ATRNL1: variants seen among roughly 807,000 people sequenced by gnomAD.
The protein encoded by ATRNL1 is attractin-like protein 1.
In ATRNL1, 95 loss-of-function variants were observed where a neutral mutation model predicts 182.7. The observed-to-expected ratio is 0.52, with a 90% CI of 0.44 to 0.62. The LOEUF is 0.62. Among genes scored for constraint, ATRNL1 ranks in the 20% least tolerant of loss-of-function variants. The probability of loss-of-function intolerance (pLI) is 0.00; values close to 1 mark genes in which losing one functional copy is unlikely to be tolerated. For synonymous variants in ATRNL1, 576 were observed against 568.3 expected (o/e 1.01, Z -0.19); for missense variants, 1,471 against 1,679.5 (o/e 0.88, Z 2.17).
chr10:115,831,046 G>T (rs1950547922), intron 27 of ATRNL1, among the ~76,000 whole-genome samples: 1 of 151,978 alleles, frequency 6.6e-6, no homozygotes, highest in African/African-American at 2.4e-5. Context: ...ATTCTTCATA[G>T]ATTTTTCCAC....
chr10:115,281,312 G>T (rs1554916689), intron 13 of ATRNL1, 43 bp from the exon 14 acceptor site: 1 of 1,558,296 alleles, frequency 6.4e-7, no homozygotes, highest in Non-Finnish European at 8.7e-7. Flanking sequence ...AAGAATCATT[G>T]CTGTACAAAG....
chr10:115,133,655 A>G (rs1592145916), intron 5 of ATRNL1, among the ~76,000 whole-genome samples: 1 of 152,172 alleles, frequency 6.6e-6, no homozygotes, highest in Non-Finnish European at 1.5e-5. Context: ...GAAGGTTAAC[A>G]GCGATATCCA....
At chr10:115,619,027 G>A (rs540407398) in intron 26 of ATRNL1, among the ~76,000 whole-genome samples, 63 of 152,256 alleles carry the variant, frequency 4.1e-4, no homozygotes, top group Non-Finnish European at 4.7e-4. Flanking sequence ...GGATACTTTG[G>A]CTTTGGTTCT....
rs60752420 is a variant in ATRNL1 at position 115,258,155 on chromosome 10, G to C, written c.1688-7038G>C. Among the ~76,000 whole-genome samples the C allele has an allele frequency of 3.1e-3, 478 of 152,242 alleles. 2 individuals carry two copies. The highest frequency in any genetic ancestry group is 0.011 in the African/African-American group (444 of 41,520). On this transcript the variant is annotated intron_variant, in intron 10 of 28. Transcript: ENST00000355044. ...ATTTCCTGAATCTGAATGTTGGCCTGCCTTGCTAGGTTGGAAAAGTTCTCC... is the reference window on the plus strand; with the variant it reads ...ATTTCCTGAATCTGAATGTTGGCCTCCCTTGCTAGGTTGGAAAAGTTCTCC...
intron 8 of ATRNL1, among the ~76,000 whole-genome samples, chr10:115,214,041 T>TACACACAC (rs149167399): frequency 0.042 from 6,199 of 147,126 alleles, 243 homozygotes; most frequent in African/African-American, 0.1. Context: ...TACAAATATG[T>TACACACAC]ACACACACAC....
chr10:115,569,511 A>G (rs571012464), intron 26 of ATRNL1, among the ~76,000 whole-genome samples: 5 of 152,274 alleles, frequency 3.3e-5, no homozygotes, highest in Non-Finnish European at 1.5e-5. Context: ...GATTTTTGCT[A>G]CCTGCTAAGT....
At chr10:115,352,886 A>G (rs1416967380) in intron 19 of ATRNL1, among the ~76,000 whole-genome samples, 2 of 152,148 alleles carry the variant, frequency 1.3e-5, no homozygotes, top group African/African-American at 4.8e-5. Flanking sequence ...CTGGGCAACA[A>G]GAGCAAAACT....
intron 28 of ATRNL1, among the ~76,000 whole-genome samples, chr10:115,937,810 A>T (rs1280251713): frequency 3.3e-5 from 5 of 152,238 alleles, no homozygotes; most frequent in Non-Finnish European, 7.3e-5. Flanking sequence ...CTACAAATAC[A>T]GCAGTAAAAG....
chr10:115,911,534 G>A (rs1555115912), intron 28 of ATRNL1, among the ~76,000 whole-genome samples: 2 of 152,020 alleles, frequency 1.3e-5, no homozygotes, highest in Non-Finnish European at 2.9e-5. Flanking sequence ...GGACAGGCTG[G>A]TCCCGAACTC....
At chr10:115,878,462 T>G (rs1389236087) in intron 28 of ATRNL1, among the ~76,000 whole-genome samples, 3 of 152,252 alleles carry the variant, frequency 2.0e-5, no homozygotes, top group Non-Finnish European at 4.4e-5. Context: ...CACACGTTAT[T>G]GAACCTGATG....
chr10:115,526,493 C>T (rs530680277), intron 25 of ATRNL1, among the ~76,000 whole-genome samples: 1 of 152,298 alleles, frequency 6.6e-6, no homozygotes, highest in South Asian at 2.1e-4. Flanking sequence ...ATCTTCCAAG[C>T]ACCTGAATTG....
At chr10:115,107,430 C>T (rs542885624) in intron 1 of ATRNL1, among the ~76,000 whole-genome samples, 6 of 152,326 alleles carry the variant, frequency 3.9e-5, no homozygotes, top group South Asian at 4.1e-4. Context: ...CTTTATGTTT[C>T]GCCTTCTGAG....
chr10:115,515,950 T>C (rs1438420085), intron 24 of ATRNL1, among the ~76,000 whole-genome samples: 2 of 151,892 alleles, frequency 1.3e-5, no homozygotes, highest in African/African-American at 2.4e-5. Context: ...CTTCTTTTTT[T>C]TAAGCTCTAA....
chr10:115,288,417 G>C (rs1852731356), intron 15 of ATRNL1, among the ~76,000 whole-genome samples: 1 of 151,972 alleles, frequency 6.6e-6, no homozygotes, highest in Non-Finnish European at 1.5e-5. Context: ...TAGACATCTG[G>C]AGGTGAGATG....
At chr10:115,881,709 T>C (rs1222498166) in intron 28 of ATRNL1, among the ~76,000 whole-genome samples, 3 of 152,236 alleles carry the variant, frequency 2.0e-5, no homozygotes, top group Non-Finnish European at 2.9e-5. Flanking sequence ...TCTTCCATTA[T>C]GTTCATTTCG....
chr10:115,704,012 A>G (rs888141616), intron 26 of ATRNL1, among the ~76,000 whole-genome samples: 60 of 152,088 alleles, frequency 3.9e-4, no homozygotes, highest in African/African-American at 1.3e-3. Flanking sequence ...CCCAATTTGC[A>G]CATGCACAAA....
At chr10:115,511,208 A>G (rs1554982598) in intron 24 of ATRNL1, among the ~76,000 whole-genome samples, 1 of 151,924 alleles carries the variant, frequency 6.6e-6, no homozygotes, top group Non-Finnish European at 1.5e-5. Flanking sequence ...TTATTATTGT[A>G]TTAATTATCT....
chr10:115,627,106 A>G (rs1858157902), intron 26 of ATRNL1, among the ~76,000 whole-genome samples: 1 of 152,124 alleles, frequency 6.6e-6, no homozygotes. Flanking sequence ...TGTATTCACA[A>G]AGATGGGCAC....
chr10:115,375,068 G>A (rs12259895), intron 19 of ATRNL1, among the ~76,000 whole-genome samples: 1,977 of 151,584 alleles, frequency 0.013, 38 homozygotes, highest in African/African-American at 0.046. Context: ...AATGTTGAAA[G>A]CAAGGGTATT....
Sources: allele counts gnomAD v4.1 joint callset (sites outside exome capture counted in the v4.1 genomes callset), GRCh38; gene constraint gnomAD v4.1.1; transcripts MANE v1.5; gene names NCBI Gene and HGNC (gene_info 2026-07-23, HGNC 2026-07-21).